The following RNF152 variants were observed in gnomAD, a reference collection of about 807,000 sequenced individuals.
RNF152 encodes ring finger protein 152.
In RNF152, 11 loss-of-function variants were observed where a neutral mutation model predicts 12.7. The observed-to-expected ratio is 0.86, with a 90% CI of 0.54 to 1.43. RNF152 has a LOEUF of 1.43. RNF152 is among the 40% of genes most tolerant of loss of function. The pLI is 0.00. For synonymous variants in RNF152, 113 were observed against 120.3 expected, an observed-to-expected ratio of 0.94 and a Z score of 0.40; for missense variants, 255 against 274.8, an observed-to-expected ratio of 0.93 and a Z score of 0.51.
chr18:61,871,560 G>A (rs1036743170), intron 1 of RNF152, among the ~76,000 whole-genome samples: 1 of 152,138 alleles, frequency 6.6e-6, no homozygotes, highest in African/African-American at 2.4e-5. Flanking sequence ...CCGACCAAAT[G>A]AACAAAATTC....
At chr18:61,829,956 G>A (rs1338899543) in intron 1 of RNF152, among the ~76,000 whole-genome samples, 1 of 151,804 alleles carries the variant, frequency 6.6e-6, no homozygotes, top group African/African-American at 2.4e-5. Flanking sequence ...CCATTTGAAA[G>A]TGTACAATTC....
chr18:61,876,177 C>T (rs1478744149), intron 1 of RNF152, among the ~76,000 whole-genome samples: 1 of 152,190 alleles, frequency 6.6e-6, no homozygotes, highest in Non-Finnish European at 1.5e-5. Flanking sequence ...TACTGTCTAC[C>T]CTTCACGGGC....
At chr18:61,876,854 C>T (rs1912236067) in intron 1 of RNF152, among the ~76,000 whole-genome samples, 2 of 152,164 alleles carry the variant, frequency 1.3e-5, no homozygotes, top group Non-Finnish European at 2.9e-5. Context: ...CATTATTATG[C>T]AAATGCTTTA....
rs1395334960 is a variant in RNF152 at position 61,816,157 on chromosome 18, G to A, written c.307C>T (p.Pro103Ser). The A allele has an allele frequency of 6.2e-7, 1 of 1,614,234 alleles. No homozygotes were observed. Among genetic ancestry groups the A allele is most frequent in the East Asian group, 2.2e-5 (1 of 44,872 alleles). ...KLPSNGCYML[P>S]LPISKERALL... ...GCACGCTCCTTGGAGATGGGCAGGG[G>A]CAGCATGTAGCACCCATTGCTGGGA... is the stretch of plus-strand genomic sequence containing the variant. Residue 103 changes from proline to serine, a missense_variant, in exon 2 of 2, where the codon CCC becomes TCC. Transcript: ENST00000312828.
At chr18:61,879,691 C>T (rs948825454) in intron 1 of RNF152, among the ~76,000 whole-genome samples, 1 of 152,108 alleles carries the variant, frequency 6.6e-6, no homozygotes, top group African/African-American at 2.4e-5. Context: ...AGGCCAGGCA[C>T]GATGGCTCAC....
At chr18:61,850,444 A>G (rs1337258025) in intron 1 of RNF152, among the ~76,000 whole-genome samples, 2 of 152,232 alleles carry the variant, frequency 1.3e-5, no homozygotes, top group African/African-American at 2.4e-5. Context: ...GAATTATTCT[A>G]TACCCTTAAA....
chr18:61,871,536 G>T (rs1260726451), intron 1 of RNF152, among the ~76,000 whole-genome samples: 1 of 152,132 alleles, frequency 6.6e-6, no homozygotes, highest in African/African-American at 2.4e-5. Flanking sequence ...AAACAGAAGG[G>T]TTACTGCCCT....
At chr18:61,838,027 T>G (rs975453534) in intron 1 of RNF152, among the ~76,000 whole-genome samples, 47 of 150,976 alleles carry the variant, frequency 3.1e-4, no homozygotes, top group African/African-American at 1.1e-3. Flanking sequence ...AACACACACA[T>G]GGTTCCTCTG....
At chr18:61,872,255 T>A (rs1432280843) in intron 1 of RNF152, among the ~76,000 whole-genome samples, 1 of 152,100 alleles carries the variant, frequency 6.6e-6, no homozygotes, top group African/African-American at 2.4e-5. Context: ...CATGATCCAA[T>A]CACCTTTCAC....
chr18:61,882,502 T>C (rs1912506588), intron 1 of RNF152, among the ~76,000 whole-genome samples: 1 of 152,166 alleles, frequency 6.6e-6, no homozygotes. Flanking sequence ...GCTCTGTGCA[T>C]GAGGTTACAG....
upstream of RNF152, chr18:61,893,737 GGCGGGCGCGCGC>G (rs1913075244): frequency 6.6e-6 from 1 of 152,166 alleles, no homozygotes; most frequent in African/African-American, 2.4e-5. Flanking sequence ...GCGCAACTGG[GGCGGGCGCGCGC>G]GCACGTGCAC....
In RNF152 at chr18:61,832,755, T is replaced by C. The variant is rs565645729; in HGVS notation, c.-135-16157A>G. On this transcript the variant is annotated intron_variant, in intron 1 of 1. Coordinates refer to ENST00000312828, the MANE Select transcript of RNF152 (RefSeq NM_173557.3). ...GGGCCAGCAAATAAAATCGACAGGA[T>C]TTTAAAAGCCACCCTGTGTTTAGAG... Among the ~76,000 whole-genome samples, 51 of 152,278 alleles carry C rather than the reference T, an allele frequency of 3.3e-4. 1 individual carries two copies. The South Asian group carries it at 7.7e-3, about 23-fold the overall frequency.
chr18:61,874,358 C>T (rs895879280), intron 1 of RNF152, among the ~76,000 whole-genome samples: 69 of 152,336 alleles, frequency 4.5e-4, no homozygotes, highest in Non-Finnish European at 4.3e-4. Context: ...ATTACAGATA[C>T]AGGATTCAGC....
At chr18:61,854,105 C>T (rs1346589010) in intron 1 of RNF152, among the ~76,000 whole-genome samples, 1 of 152,164 alleles carries the variant, frequency 6.6e-6, no homozygotes, top group African/African-American at 2.4e-5. Context: ...ATTGACTCCC[C>T]GTGACAAGGT....
chr18:61,882,982 G>GA (rs1418134822), intron 1 of RNF152, among the ~76,000 whole-genome samples: 5 of 151,800 alleles, frequency 3.3e-5, no homozygotes, highest in South Asian at 2.1e-4. Flanking sequence ...CCACCAGAAA[G>GA]AAAAAAAACA....
chr18:61,818,944 G>A (rs1425796116), intron 1 of RNF152, among the ~76,000 whole-genome samples: 2 of 152,200 alleles, frequency 1.3e-5, no homozygotes, highest in African/African-American at 4.8e-5. Context: ...GTACCCTAAG[G>A]GAGCCGAAGG....
chr18:61,887,862 T>C (rs556172014), intron 1 of RNF152, among the ~76,000 whole-genome samples: 57 of 152,216 alleles, frequency 3.7e-4, no homozygotes, highest in South Asian at 4.1e-4. Flanking sequence ...TACACTTCCT[T>C]GGTAGGTGGG....
intron 1 of RNF152, among the ~76,000 whole-genome samples, chr18:61,855,965 G>A (rs1010738138): frequency 5.3e-5 from 8 of 152,172 alleles, no homozygotes; most frequent in South Asian, 2.1e-4. Context: ...ATCTGACCAC[G>A]CCATGTTTCC....
chr18:61,885,927 A>C (rs1912670994), intron 1 of RNF152, among the ~76,000 whole-genome samples: 1 of 150,768 alleles, frequency 6.6e-6, no homozygotes, highest in Admixed American at 6.6e-5. Flanking sequence ...AAAGTCCTAA[A>C]GCTGCTTGTT....
Sources: allele counts gnomAD v4.1 joint callset (sites outside exome capture counted in the v4.1 genomes callset), GRCh38; gene constraint gnomAD v4.1.1; transcripts MANE v1.5; gene names NCBI Gene and HGNC (gene_info 2026-07-23, HGNC 2026-07-21).